Variants in EHBP1 observed in about 807,000 individuals in gnomAD.
EHBP1 encodes EH domain-binding protein 1.
EHBP1 carries 55 observed loss-of-function variants against 144.0 expected under a neutral mutation model. That is an observed-to-expected ratio of 0.38 (90% CI 0.31 to 0.48). The LOEUF (loss-of-function observed/expected upper bound fraction) is 0.48, where lower values mean the gene tolerates loss of function less well. Ranked by LOEUF, EHBP1 falls within the 20% of genes least tolerant of loss-of-function variation. EHBP1 has a pLI of 0.98. For missense variants in EHBP1, 1,200 were observed against 1,364.2 expected, an observed-to-expected ratio of 0.88 and a Z score of 1.90; for synonymous variants, 469 against 472.7, an observed-to-expected ratio of 0.99 and a Z score of 0.10.
At chr2:62,688,263 C>G (rs187790510) in intron 1 of EHBP1, among the ~76,000 whole-genome samples, 14 of 152,256 alleles carry the variant, frequency 9.2e-5, no homozygotes, top group South Asian at 2.1e-4. Context: ...ATATACTCTA[C>G]GCTCCCCTCA....
intron 10 of EHBP1, among the ~76,000 whole-genome samples, chr2:62,885,246 A>G (rs539844012): frequency 1.3e-5 from 2 of 152,340 alleles, no homozygotes; most frequent in East Asian, 3.9e-4. Flanking sequence ...AATTTAAACA[A>G]AGTGATAATA....
chr2:62,987,754 T>TA (rs2059257310), intron 15 of EHBP1, among the ~76,000 whole-genome samples: 1 of 152,178 alleles, frequency 6.6e-6, no homozygotes. Flanking sequence ...ATGTAAAATA[T>TA]AAATGTTAAT....
intron 7 of EHBP1, among the ~76,000 whole-genome samples, chr2:62,840,684 T>C (rs1311404012): frequency 1.3e-5 from 2 of 151,228 alleles, no homozygotes; most frequent in African/African-American, 2.4e-5. Context: ...GCGAAGGACA[T>C]GAACAGACAC....
intron 7 of EHBP1, among the ~76,000 whole-genome samples, chr2:62,836,432 C>T (rs1264770855): frequency 5.0e-5 from 7 of 139,672 alleles, no homozygotes; most frequent in East Asian, 2.1e-4. Context: ...AAACGCAGAG[C>T]GTCTCTCCTC....
chr2:62,676,962 A>G (rs2033319748), intron 1 of EHBP1, among the ~76,000 whole-genome samples: 1 of 152,208 alleles, frequency 6.6e-6, no homozygotes, highest in South Asian at 2.1e-4. Context: ...CAGGAGTTCA[A>G]GACTAACCTG....
Position 62,960,133 on chromosome 2 carries a change from T to G in EHBP1, c.2460+4473T>G, listed in dbSNP as rs1023436207. ...AGAGATAACTGGGAAATAGCTTAAG[T>G]GATCATTTGAATATATGAAGCCTCA... On this transcript the variant is annotated intron_variant, in intron 14 of 22. Coordinates refer to ENST00000431489, the MANE Select transcript of EHBP1 (RefSeq NM_001142616.3). Among the ~76,000 whole-genome samples, 10 of 152,192 alleles carry G rather than the reference T, an allele frequency of 6.6e-5. 1 individual carries two copies. The highest frequency in any genetic ancestry group is 6.5e-4 in the Admixed American group (10 of 15,278).
At position 62,745,461 on chromosome 2, in the gene EHBP1, G is replaced by T. The variant is rs140976139; in HGVS notation, c.105-1934G>T. ...TACACAGAGAAAGTGATAAATTAGGGGTTTACTAGGTAGAAAAATGGAAGA... is the reference window on the plus strand; with the variant it reads ...TACACAGAGAAAGTGATAAATTAGGTGTTTACTAGGTAGAAAAATGGAAGA... On this transcript the variant is annotated intron_variant, in intron 2 of 22. Transcript: ENST00000431489. 7.9e-5 allele frequency among the ~76,000 whole-genome samples: 12 copies of T among 151,972 alleles called. No homozygotes were observed. The East Asian group carries it at 2.3e-3, about 29-fold the overall frequency.
At chr2:62,875,449 A>C (rs2050815975) in intron 10 of EHBP1, among the ~76,000 whole-genome samples, 1 of 152,202 alleles carries the variant, frequency 6.6e-6, no homozygotes, top group African/African-American at 2.4e-5. Flanking sequence ...CCATAGTCAA[A>C]CCTTCAATGG....
chr2:62,762,068 G>A (rs1012961566), intron 3 of EHBP1, among the ~76,000 whole-genome samples: 2 of 152,096 alleles, frequency 1.3e-5, no homozygotes, highest in Non-Finnish European at 2.9e-5. Context: ...CTCCCAAGTA[G>A]CTGGGATTCC....
intron 15 of EHBP1, among the ~76,000 whole-genome samples, chr2:62,979,890 A>G (rs1485701954): frequency 2.0e-5 from 3 of 152,280 alleles, no homozygotes; most frequent in South Asian, 2.1e-4. Flanking sequence ...GGCTATATAT[A>G]TATAAAATTA....
At chr2:62,764,467 C>T in intron 4 of EHBP1, 106 bp downstream of exon 4, 3 of 729,726 alleles carry the variant, frequency 4.1e-6, no homozygotes, top group South Asian at 3.2e-5. Flanking sequence ...CAGTCTGGTA[C>T]CTACTGTGCA....
chr2:63,044,924 TC>T, intron 21 of EHBP1, 141 bp from the exon 22 acceptor site: 1 of 617,576 alleles, frequency 1.6e-6, no homozygotes. Flanking sequence ...ACAGCCAAAC[TC>T]CCCAGAAAAC....
intron 5 of EHBP1, among the ~76,000 whole-genome samples, chr2:62,813,356 G>A (rs1400554042): frequency 6.6e-6 from 1 of 152,210 alleles, no homozygotes; most frequent in African/African-American, 2.4e-5. Flanking sequence ...AGATTTCAAG[G>A]GATGTCATGG....
At chr2:62,918,013 C>T (rs1273017729) in intron 10 of EHBP1, among the ~76,000 whole-genome samples, 3 of 152,074 alleles carry the variant, frequency 2.0e-5, no homozygotes, top group African/African-American at 7.2e-5. Flanking sequence ...TCTCTTGCCT[C>T]AGCTTCCTGA....
chr2:62,924,074 GC>G (rs2055309451), intron 10 of EHBP1, among the ~76,000 whole-genome samples: 1 of 151,932 alleles, frequency 6.6e-6, no homozygotes, highest in Non-Finnish European at 1.5e-5. Context: ...CCTGTGGATC[GC>G]CCCCAGCAAA....
In EHBP1 at chr2:63,031,040, G is replaced by T. The variant is rs886663050; in HGVS notation, c.3104-6495G>T. ...TCGAACTCCTGACCTCAGGTGATCC[G>T]CCCACCTCGGCCTCCCAAAGTGCTG... is the stretch of plus-strand genomic sequence containing the variant. On this transcript the variant is annotated intron_variant, in intron 19 of 22. Transcript: ENST00000431489. 6.6e-5 allele frequency among the ~76,000 whole-genome samples: 10 copies of T among 152,080 alleles called. No homozygotes were observed. In the South Asian group the frequency reaches 1.7e-3, roughly 25 times the overall value.
At chr2:62,752,274 T>G (rs561363165) in intron 3 of EHBP1, among the ~76,000 whole-genome samples, 11 of 152,212 alleles carry the variant, frequency 7.2e-5, no homozygotes, top group Non-Finnish European at 1.0e-4. Context: ...TTGTTCAGTT[T>G]CCATGTAGTT....
chr2:62,979,899 TAAAG>T (rs750266106), intron 15 of EHBP1, among the ~76,000 whole-genome samples: 6 of 152,128 alleles, frequency 3.9e-5, no homozygotes, highest in Non-Finnish European at 8.8e-5. Context: ...TATATAAAAT[TAAAG>T]AAAATTTTAA....
At chr2:62,983,795 G>A (rs1433872320) in intron 15 of EHBP1, among the ~76,000 whole-genome samples, 1 of 152,208 alleles carries the variant, frequency 6.6e-6, no homozygotes, top group African/African-American at 2.4e-5. Flanking sequence ...GTCTGCCTTA[G>A]CCTCCCAAAA....
Sources: allele counts gnomAD v4.1 joint callset (sites outside exome capture counted in the v4.1 genomes callset), GRCh38; gene constraint gnomAD v4.1.1; transcripts MANE v1.5; gene names NCBI Gene and HGNC (gene_info 2026-07-23, HGNC 2026-07-21).